RAPGEF2: variants seen among roughly 807,000 people sequenced by gnomAD.
RAPGEF2 encodes the protein Rap guanine nucleotide exchange factor 2.
RAPGEF2 carries 54 observed loss-of-function variants against 186.7 expected under a neutral mutation model. The observed-to-expected ratio is 0.29, with a 90% CI of 0.23 to 0.36. The LOEUF is 0.36. Among genes scored for constraint, RAPGEF2 ranks in the 10% least tolerant of loss-of-function variants. The pLI, the probability that RAPGEF2 is intolerant of heterozygous loss-of-function variation, is 1.00. For synonymous variants in RAPGEF2, 712 were observed against 705.9 expected (o/e 1.01, Z -0.14); for missense variants, 1,532 against 2,045.0 (o/e 0.75, Z 4.84).
intron 2 of RAPGEF2, among the ~76,000 whole-genome samples, chr4:159,192,307 A>G (rs1425484863): frequency 6.6e-6 from 1 of 151,496 alleles, no homozygotes; most frequent in Non-Finnish European, 1.5e-5. Flanking sequence ...AAGAACAAGG[A>G]AAAAAAGTAC....
intron 1 of RAPGEF2, among the ~76,000 whole-genome samples, chr4:159,179,906 CAG>C (rs1746832562): frequency 6.6e-6 from 1 of 152,162 alleles, no homozygotes; most frequent in Non-Finnish European, 1.5e-5. Context: ...CAAATGCCGA[CAG>C]ACAGTTCATG....
intron 1 of RAPGEF2, chr4:159,128,954 A>G (rs1331785948): frequency 1.1e-4 from 16 of 146,630 alleles, no homozygotes; most frequent in African/African-American, 3.7e-4. Context: ...GTATATATAT[A>G]TATATATAAA....
chr4:159,351,094 G>T, intron 26 of RAPGEF2: 1 of 1,534,530 alleles, frequency 6.5e-7, no homozygotes, highest in Non-Finnish European at 8.7e-7. Flanking sequence ...TTTTGGCTCC[G>T]GGCAGTTGGA....
rs139160188 is a variant in RAPGEF2 at position 159,139,403 on chromosome 4, T to C, written c.69+35172T>C. Among the ~76,000 whole-genome samples, 139 of 152,290 alleles carry C rather than the reference T, an allele frequency of 9.1e-4. 2 individuals carry two copies. The East Asian group carries it at 0.025, about 27-fold the overall frequency. On this transcript the variant is annotated intron_variant, in intron 1 of 29. Transcript: ENST00000691494. ...ACAGTTTCTTCAATCTCATTTCAGA[T>C]CATATTTCTGTAATAATTAAGGCTT...
chr4:159,331,295 TTTA>T (rs1387819560), intron 13 of RAPGEF2, 133 bp from the exon 14 acceptor site: 12 of 578,784 alleles, frequency 2.1e-5, no homozygotes, highest in African/African-American at 9.4e-5. Flanking sequence ...CATTTAAGAT[TTTA>T]TTATTGTTAA....
chr4:159,346,909 C>T lies in RAPGEF2; in HGVS notation c.3623C>T (p.Ala1208Val), dbSNP rs745557138. 1.2e-6 allele frequency: 2 copies of T among 1,614,194 alleles called. No individual in the cohort carries two copies. Among genetic ancestry groups the T allele is most frequent in the Non-Finnish European group, 1.7e-6 (2 of 1,180,036 alleles). ...LPQPQQQPPP[A>V]HKINQGLQVP... Reference sequence around the variant, plus strand: ...CAGCCCCAGCAGCAGCCACCACCAGCACATAAAATCAACCAGGGACTACAG... The same window carrying T: ...CAGCCCCAGCAGCAGCCACCACCAGTACATAAAATCAACCAGGGACTACAG... Residue 1208 changes from alanine (A) to valine (V), a missense_variant, in exon 25 of 30, where the codon GCA becomes GTA. Transcript: ENST00000691494.
chr4:159,289,871 C>T (rs916862892), intron 7 of RAPGEF2, among the ~76,000 whole-genome samples: 2 of 151,888 alleles, frequency 1.3e-5, no homozygotes, highest in Admixed American at 6.6e-5. Context: ...CAGAGTATCT[C>T]GCTGTATTTA....
chr4:159,346,846 C>T lies in RAPGEF2; in HGVS notation c.3560C>T (p.Pro1187Leu). 1.9e-6 allele frequency: 3 copies of T among 1,614,186 alleles called. No individual in the cohort carries two copies. Among genetic ancestry groups the T allele is most frequent in the Non-Finnish European group, 2.5e-6 (3 of 1,180,040 alleles). The change falls in exon 25 of 30, where the codon CCA (proline) becomes CTA (leucine). Residue 1187 changes from proline to leucine, a missense_variant. By Grantham distance (98) the Pro-to-Leu change is moderately conservative (BLOSUM62 -3). Transcript: ENST00000691494. ...AAATCCGAGACCTCTCCAGTAGCTC[C>T]AAGGGCAGGGTCACAACAGAAAGCT... ...PVKSETSPVA[P>L]RAGSQQKAQS...
At chr4:159,189,049 T>C (rs1176557809) in intron 2 of RAPGEF2, among the ~76,000 whole-genome samples, 1 of 152,224 alleles carries the variant, frequency 6.6e-6, no homozygotes, top group Non-Finnish European at 1.5e-5. Flanking sequence ...TGCTTTATAA[T>C]ACTACAATTT....
chr4:159,103,807 C>G lies in RAPGEF2; in HGVS notation c.-356C>G, dbSNP rs1157727612. 1.3e-5 allele frequency: 2 copies of G among 153,054 alleles called. No individual in the cohort carries two copies. The highest frequency in any genetic ancestry group is 2.9e-5 in the Non-Finnish European group (2 of 68,776). 9.5% of individuals were successfully genotyped at this position (153,054 alleles called of 1,614,324 possible). On this transcript the variant is annotated 5_prime_UTR_variant, in exon 1 of 30. Transcript: ENST00000691494. ...GGCCAGGAGGAGCCGCCACTGTCCC[C>G]CGAGTGGAGCCGGGGAGGCGTGTCG...
At chr4:159,222,175 C>T (rs1362495487) in intron 4 of RAPGEF2, among the ~76,000 whole-genome samples, 2 of 152,080 alleles carry the variant, frequency 1.3e-5, no homozygotes. Context: ...AAGCTGTTCT[C>T]TAGAGAGAGA....
chr4:159,267,632 G>A, intron 7 of RAPGEF2: 1 of 644,960 alleles, frequency 1.6e-6, no homozygotes, highest in Non-Finnish European at 2.1e-6. Flanking sequence ...TTTTCTCTTG[G>A]TTGGAGGGTT....
At position 159,345,190 on chromosome 4, in the gene RAPGEF2, C is replaced by G; in HGVS notation, c.3363C>G (p.Ser1121=). Residue 1121 remains serine (S), a synonymous_variant, in exon 24 of 30, where the codon TCC becomes TCG. Coordinates refer to ENST00000691494, the MANE Select transcript of RAPGEF2 (RefSeq NM_001394067.2). ...GGHKKRVRRS[S]FLNAKKLYED... is the part of the protein sequence containing the mutation. ...ATAAAAAGCGGGTACGTCGTAGTTC[C>G]TTTCTCAATGCCAAAAAGCTTTATG... The G allele has an allele frequency of 6.2e-7, 1 of 1,614,138 alleles. No homozygotes were observed. The highest frequency in any genetic ancestry group is 1.1e-5 in the South Asian group (1 of 91,082).
At position 159,358,157 on chromosome 4, in the gene RAPGEF2, A is replaced by T. The variant is rs754697516; in HGVS notation, c.*18A>T. 1 of 1,610,184 alleles carries T rather than the reference A, an allele frequency of 6.2e-7. No homozygotes were observed. The highest frequency in any genetic ancestry group is 1.1e-5 in the South Asian group (1 of 90,128). ...CTGTTTGAGGCACAGACTTTTCTGG[A>T]AGCAGAGCGAGCCACCTGAAAGGAG... On this transcript the variant is annotated 3_prime_UTR_variant, in exon 30 of 30. Transcript: ENST00000691494.
intron 1 of RAPGEF2, among the ~76,000 whole-genome samples, chr4:159,111,150 G>T (rs1349177812): frequency 6.6e-6 from 1 of 152,096 alleles, no homozygotes. Context: ...TTTACCCTTG[G>T]TGCGGTGGTG....
At chr4:159,347,504 G>T (rs1730492968) in intron 25 of RAPGEF2, among the ~76,000 whole-genome samples, 1 of 152,246 alleles carries the variant, frequency 6.6e-6, no homozygotes, top group South Asian at 2.1e-4. Context: ...AAAAACATCA[G>T]CCAGGCACGG....
At chr4:159,345,417 C>T (rs1418545003) in intron 24 of RAPGEF2, 88 bp downstream of exon 24, 2 of 1,214,172 alleles carry the variant, frequency 1.6e-6, no homozygotes, top group Non-Finnish European at 2.4e-6. Context: ...CAAAATAAGG[C>T]TTAGTGCAGA....
intron 7 of RAPGEF2, chr4:159,268,211 A>G (rs1424784460): frequency 6.3e-7 from 1 of 1,591,870 alleles, no homozygotes; most frequent in South Asian, 1.1e-5. Flanking sequence ...CAGGAGAAAC[A>G]CTCAGTAAGT....
intron 8 of RAPGEF2, among the ~76,000 whole-genome samples, chr4:159,309,788 A>G (rs1328618770): frequency 6.6e-6 from 1 of 152,220 alleles, no homozygotes; most frequent in Non-Finnish European, 1.5e-5. Flanking sequence ...TAGATAGATC[A>G]ATAGAACAGA....
Sources: gnomAD v4.1 joint callset for allele counts (sites outside exome capture counted in the v4.1 genomes callset) on GRCh38, gnomAD v4.1.1 for gene constraint, MANE v1.5 for transcripts, NCBI Gene and HGNC (gene_info 2026-07-23, HGNC 2026-07-21) for gene names.